The following LRTM1 variants were observed in gnomAD, a reference collection of about 807,000 sequenced individuals.
The protein encoded by LRTM1 is leucine rich repeat transmembrane protein 1, also known as leucine-rich repeat and transmembrane domain-containing protein 1.
LRTM1 carries 38 observed loss-of-function variants against 32.4 expected under a neutral mutation model. The ratio of observed to expected loss-of-function variants is 1.17; its 90% CI spans 0.91 to 1.54. The LOEUF (loss-of-function observed/expected upper bound fraction) is 1.54. Among genes scored for constraint, LRTM1 ranks in the 40% most tolerant of loss-of-function variants. LRTM1 has a pLI of 0.00. For missense variants in LRTM1, 466 were observed against 415.4 expected (o/e 1.12, Z -1.06); for synonymous variants, 186 against 169.9 (o/e 1.09, Z -0.74).
Position 54,918,596 on chromosome 3 carries a change from GAC to G in LRTM1, c.899_900del (p.Cys300SerfsTer30). ...IITGVVCGIV[C>X]LMMLAAAIYG... ...TAGATGGCAGCTGCCAACATCATGA[GAC>G]ACACAATCCCACACACAACGCCAGT... On this transcript the variant is annotated frameshift_variant, in exon 3 of 3. Transcript: ENST00000273286. LOFTEE classifies it high-confidence loss of function. 1 of 1,614,120 alleles carries G rather than the reference GAC, an allele frequency of 6.2e-7. No individual in the cohort carries two copies. Among genetic ancestry groups the G allele is most frequent in the Non-Finnish European group, 8.5e-7 (1 of 1,180,002 alleles).
intron 1 of LRTM1, among the ~76,000 whole-genome samples, chr3:54,935,181 G>A (rs1701299039): frequency 6.6e-6 from 1 of 152,182 alleles, no homozygotes; most frequent in Admixed American, 6.5e-5. Flanking sequence ...TCCTTGCTGG[G>A]GAACTTCAGA....
chr3:54,924,931 G>T lies in LRTM1; in HGVS notation c.292C>A (p.Gln98Lys), dbSNP rs746885278. 4 of 1,612,378 alleles carry T rather than the reference G, an allele frequency of 2.5e-6. No individual in the cohort carries two copies. Among genetic ancestry groups the T allele is most frequent in the Non-Finnish European group, 3.4e-6 (4 of 1,178,472 alleles). ...NLAPGAFHGL[Q>K]HLQVLNLTQN... ...GTTAGATTTAAAACCTGCAAGTGCT[G>T]AAGCCCATGGAAAGCTCCAGGGGCC... Residue 98 changes from glutamine (Q) to lysine (K), a missense_variant, in exon 2 of 3, where the codon CAG becomes AAG. Coordinates refer to ENST00000273286, the MANE Select transcript of LRTM1 (RefSeq NM_020678.4).
chr3:54,936,626 G>A (rs1701336306), intron 1 of LRTM1, among the ~76,000 whole-genome samples: 1 of 152,060 alleles, frequency 6.6e-6, no homozygotes, highest in African/African-American at 2.4e-5. Context: ...TCCCATATTG[G>A]GTTACCTACT....
intron 1 of LRTM1, among the ~76,000 whole-genome samples, chr3:54,966,745 G>T (rs1702160267): frequency 6.6e-6 from 1 of 152,128 alleles, no homozygotes; most frequent in Non-Finnish European, 1.5e-5. Flanking sequence ...CTTGAACCCG[G>T]GAAGCAGAGG....
rs1575387937 is a variant in LRTM1, at chr3:54,933,338, T to C, written c.-221-8123A>G. ...CAGAATAGCTCATTTATTTCTCTTA[T>C]CACAGTCTAGTTCAGGTTGACAGGG... On this transcript the variant is annotated intron_variant, in intron 1 of 2. Coordinates refer to the LRTM1 transcript ENST00000493075. 3.3e-5 allele frequency among the ~76,000 whole-genome samples: 5 copies of C among 152,234 alleles called. No individual in the cohort carries two copies. In the South Asian group the frequency reaches 1.0e-3, roughly 31 times the overall value.
chr3:54,924,563 G>T, intron 2 of LRTM1, 56 bp downstream of exon 2: 5 of 1,384,034 alleles, frequency 3.6e-6, no homozygotes, highest in Non-Finnish European at 5.1e-6. Flanking sequence ...GAACAGATGA[G>T]ATTCATCCTA....
In LRTM1 at chr3:54,918,439, C is replaced by A; in HGVS notation, c.*20G>T. On this transcript the variant is annotated 3_prime_UTR_variant, in exon 3 of 3. Transcript: ENST00000273286. ...TATCTTCTGGCCTGCAATGACCAAT[C>A]CTATTTGAGACAAAAGCTCTCAGGC... 1 of 1,567,264 alleles carries A rather than the reference C, an allele frequency of 6.4e-7. No homozygotes were observed. Among genetic ancestry groups the A allele is most frequent in the South Asian group, 1.1e-5 (1 of 90,090 alleles).
intron 1 of LRTM1, among the ~76,000 whole-genome samples, chr3:54,942,827 A>T (rs1036330695): frequency 1.3e-5 from 2 of 152,132 alleles, no homozygotes; most frequent in Non-Finnish European, 2.9e-5. Context: ...GATTGAGACA[A>T]TCCTGGCTAA....
upstream of LRTM1, among the ~76,000 whole-genome samples, chr3:54,928,430 G>T (rs1701091240): frequency 6.6e-6 from 1 of 152,178 alleles, no homozygotes; most frequent in Admixed American, 6.5e-5. Context: ...TGCTGGACGG[G>T]ACCCTCACCT....
chr3:54,922,933 C>G (rs938089229), intron 2 of LRTM1, among the ~76,000 whole-genome samples: 2 of 152,128 alleles, frequency 1.3e-5, no homozygotes, highest in Non-Finnish European at 2.9e-5. Flanking sequence ...TTCTCTTAGT[C>G]ATCCACTCCA....
chr3:54,918,642 G>A lies in LRTM1; in HGVS notation c.855C>T (p.Ala285=), dbSNP rs1700737292. 2 of 1,614,152 alleles carry A rather than the reference G, an allele frequency of 1.2e-6. No homozygotes were observed. Among genetic ancestry groups the A allele is most frequent in the South Asian group, 2.2e-5 (2 of 91,082 alleles). The part of the protein sequence containing the change: ...PKPRPANLRH[A]IATVIITGVV... ...CGCCAGTGATGATGACAGTGGCAAT[G>A]GCATGACGCAGGTTGGCCGGCCTTG... The change falls in exon 3 of 3, where the codon GCC becomes GCT. Residue 285 remains alanine (A), a synonymous_variant. Transcript: ENST00000273286.
chr3:54,925,792 T>A (rs1021360406), intron 1 of LRTM1, among the ~76,000 whole-genome samples: 1 of 152,218 alleles, frequency 6.6e-6, no homozygotes, highest in Non-Finnish European at 1.5e-5. Flanking sequence ...TTAACTATTT[T>A]AAACAACAGT....
chr3:54,943,685 T>C (rs954968736), intron 1 of LRTM1, among the ~76,000 whole-genome samples: 1 of 152,192 alleles, frequency 6.6e-6, no homozygotes, highest in African/African-American at 2.4e-5. Context: ...AAATATGTAT[T>C]ACTACTATTT....
upstream of LRTM1, among the ~76,000 whole-genome samples, chr3:54,928,807 C>T (rs891641518): frequency 1.3e-5 from 2 of 151,806 alleles, no homozygotes; most frequent in African/African-American, 4.8e-5. Context: ...AGGTCCTGGC[C>T]CTTCCCTCAC....
chr3:54,946,336 G>T (rs1044984524), intron 1 of LRTM1, among the ~76,000 whole-genome samples: 3 of 152,152 alleles, frequency 2.0e-5, no homozygotes, highest in Non-Finnish European at 2.9e-5. Flanking sequence ...CACCACAATG[G>T]TTATTGGTTG....
chr3:54,924,933 A>C lies in LRTM1; in HGVS notation c.290T>G (p.Leu97Arg). 6.2e-7 allele frequency: 1 copy of C among 1,612,326 alleles called. No homozygotes were observed. Among genetic ancestry groups the C allele is most frequent in the Non-Finnish European group, 8.5e-7 (1 of 1,178,422 alleles). The change falls in exon 2 of 3, where the codon CTT becomes CGT. Residue 97 changes from leucine to arginine, a missense_variant. Transcript: ENST00000273286. ...SNLAPGAFHG[L>R]QHLQVLNLTQ... ...TAGATTTAAAACCTGCAAGTGCTGA[A>C]GCCCATGGAAAGCTCCAGGGGCCAG...
chr3:54,941,521 G>T (rs1028915384), intron 1 of LRTM1, among the ~76,000 whole-genome samples: 1 of 152,094 alleles, frequency 6.6e-6, no homozygotes, highest in Admixed American at 6.6e-5. Context: ...ATAATGCCGG[G>T]ATTATGTGGG....
intron 1 of LRTM1, among the ~76,000 whole-genome samples, chr3:54,951,179 G>T (rs2107015738): frequency 1.3e-5 from 2 of 152,258 alleles, no homozygotes; most frequent in Admixed American, 1.3e-4. Context: ...ATAACTACAA[G>T]ATAATACAGA....
Position 54,956,263 on chromosome 3 carries a change from G to A in LRTM1, c.-222+10665C>T, listed in dbSNP as rs529651574. ...GCTGCCTTGCTGCATGAGCAGACCC[G>A]TAAGCGCATGGTCTTCCCTTGGCTG... On this transcript the variant is annotated intron_variant, in intron 1 of 2. Transcript: ENST00000493075. Among the ~76,000 whole-genome samples the A allele has an allele frequency of 5.9e-5, 9 of 152,344 alleles. No homozygotes were observed. In the South Asian group the frequency reaches 1.9e-3, roughly 32 times the overall value.
Sources: allele counts gnomAD v4.1 joint callset (sites outside exome capture counted in the v4.1 genomes callset), GRCh38; gene constraint gnomAD v4.1.1; transcripts MANE v1.5; gene names NCBI Gene and HGNC (gene_info 2026-07-23, HGNC 2026-07-21).